The following TSPEAR variants were observed in gnomAD, a reference collection of about 807,000 sequenced individuals.
TSPEAR encodes thrombospondin-type laminin G domain and EAR repeat-containing protein.
TSPEAR carries 69 observed loss-of-function variants against 71.6 expected under a neutral mutation model. That is an observed-to-expected ratio of 0.96 (90% CI 0.79 to 1.18). The LOEUF (loss-of-function observed/expected upper bound fraction) is 1.18, where lower values mean the gene tolerates loss of function less well. TSPEAR is among the 50% of genes most tolerant of loss of function. The probability of loss-of-function intolerance (pLI) is 0.00; values close to 1 mark genes in which losing one functional copy is unlikely to be tolerated. For missense variants in TSPEAR, 971 were observed against 894.9 expected (o/e 1.09, Z -1.09); for synonymous variants, 402 against 387.2 (o/e 1.04, Z -0.45).
intron 1 of TSPEAR, among the ~76,000 whole-genome samples, chr21:44,599,435 G>A (rs997341829): frequency 2.0e-5 from 3 of 152,154 alleles, no homozygotes; most frequent in Admixed American, 2.0e-4. Flanking sequence ...AGGGCCCCTG[G>A]AGCCCTCTCC....
At position 44,528,496 on chromosome 21, in the gene TSPEAR, C is replaced by T. The variant is rs782375611; in HGVS notation, c.878G>A (p.Gly293Asp). 12 of 1,614,028 alleles carry T rather than the reference C, an allele frequency of 7.4e-6. No individual in the cohort carries two copies. The Admixed American group carries it at 2.0e-4, about 27-fold the overall frequency. Residue 293 changes from glycine (G) to aspartate (D), a missense_variant, in exon 6 of 12, where the codon GGC becomes GAC. By Grantham distance (94) the Gly-to-Asp change is moderately conservative (BLOSUM62 -1). Coordinates refer to ENST00000323084, the MANE Select transcript of TSPEAR (RefSeq NM_144991.3). Reference sequence around the variant, plus strand: ...CTCGTTGCCAACACACAGATACAGGCCCTTCCGGCTGGCATCAAACCAGAA... The same window carrying T: ...CTCGTTGCCAACACACAGATACAGGTCCTTCCGGCTGGCATCAAACCAGAA... ...AQFWFDASRK[G>D]LYLCVGNEWV... is the part of the protein sequence containing the mutation.
At chr21:44,579,712 C>T in intron 1 of TSPEAR, 18 of 1,577,958 alleles carry the variant, frequency 1.1e-5, no homozygotes, top group Non-Finnish European at 1.5e-5. Flanking sequence ...GACCAGTTGG[C>T]CCTGGGGGAT....
At chr21:44,521,576 G>A (rs2052735262) in intron 9 of TSPEAR, among the ~76,000 whole-genome samples, 1 of 152,230 alleles carries the variant, frequency 6.6e-6, no homozygotes, top group Non-Finnish European at 1.5e-5. Context: ...TGAGCCCGGG[G>A]GCTGCTTTAT....
rs1555914831 is a variant in TSPEAR at position 44,525,675 on chromosome 21, C to A, written c.1314G>T (p.Leu438=). Residue 438 remains leucine, a synonymous_variant, in exon 8 of 12, where the codon CTG becomes CTT. Coordinates refer to ENST00000323084, the MANE Select transcript of TSPEAR (RefSeq NM_144991.3). The part of the protein sequence containing the change: ...EAFEVDGEHF[L]AVANHREGDN... ...TACCTTCCCGGTGGTTGGCCACCGCCAGGAAGTGCTCCCCATCCACCTCGA... is the reference window on the plus strand; with the variant it reads ...TACCTTCCCGGTGGTTGGCCACCGCAAGGAAGTGCTCCCCATCCACCTCGA... The A allele has an allele frequency of 6.2e-7, 1 of 1,614,136 alleles. No homozygotes were observed. The highest frequency in any genetic ancestry group is 8.5e-7 in the Non-Finnish European group (1 of 1,180,022).
intron 3 of TSPEAR, among the ~76,000 whole-genome samples, chr21:44,531,607 C>T (rs1245700157): frequency 1.3e-5 from 2 of 152,204 alleles, no homozygotes; most frequent in African/African-American, 4.8e-5. Context: ...GGGCCAGGGC[C>T]TCCTGCAGAA....
chr21:44,527,187 G>A (rs1407566017), intron 7 of TSPEAR, 105 bp downstream of exon 7: 7 of 1,084,762 alleles, frequency 6.5e-6, no homozygotes, highest in East Asian at 2.4e-5. Flanking sequence ...AGGTGACACC[G>A]TGAGAAACTC....
chr21:44,661,234 C>A (rs368066237), intron 1 of TSPEAR, among the ~76,000 whole-genome samples: 1 of 141,536 alleles, frequency 7.1e-6, no homozygotes, highest in East Asian at 2.1e-4. Context: ...GAGCCGAGAT[C>A]GCGCCACTGC....
At chr21:44,644,397 G>A (rs78420710) in intron 1 of TSPEAR, among the ~76,000 whole-genome samples, 1,637 of 152,118 alleles carry the variant, frequency 0.011, 37 homozygotes, top group African/African-American at 0.036. Flanking sequence ...CCCAGAAAGC[G>A]GATTAAGCAC....
rs587675838 is a variant in TSPEAR at position 44,505,604 on chromosome 21, G to A, written c.1755-723C>T. 6.5e-3 allele frequency among the ~76,000 whole-genome samples: 263 copies of A among 40,378 alleles called. 1 individual carries two copies. The highest frequency in any genetic ancestry group is 0.021 in the Middle Eastern group (1 of 48). 26.5% of individuals were successfully genotyped at this position (40,378 alleles called of 152,430 possible). ...CCCCCCCAGCCCCGGCACCCACCAC[G>A]CCACTTTCTGTCTCTATGAATTTGA... On this transcript the variant is annotated intron_variant, in intron 10 of 11. Transcript: ENST00000323084.
intron 1 of TSPEAR, among the ~76,000 whole-genome samples, chr21:44,679,374 A>C (rs1986472499): frequency 6.6e-6 from 1 of 152,224 alleles, no homozygotes; most frequent in African/African-American, 2.4e-5. Context: ...AAAACTACAA[A>C]ACACTGATAA....
rs587659428 is a variant in TSPEAR at position 44,522,662 on chromosome 21, C to T, written c.1337-550G>A. 9.8e-5 allele frequency among the ~76,000 whole-genome samples: 15 copies of T among 152,322 alleles called. 1 individual carries two copies. Among genetic ancestry groups the T allele is most frequent in the East Asian group, 3.9e-4 (2 of 5,178 alleles). On this transcript the variant is annotated intron_variant, in intron 8 of 11. Transcript: ENST00000323084. ...CACAATGGCAGGTACTCATGGTGGCCGCTCAGGGCAGTGTCCTGGCCTGGA... is the reference window on the plus strand; with the variant it reads ...CACAATGGCAGGTACTCATGGTGGCTGCTCAGGGCAGTGTCCTGGCCTGGA...
At chr21:44,602,738 G>T (rs1227174199) in intron 1 of TSPEAR, among the ~76,000 whole-genome samples, 3 of 152,184 alleles carry the variant, frequency 2.0e-5, no homozygotes, top group Non-Finnish European at 4.4e-5. Context: ...CGCACACGCA[G>T]CGTCCCAGCT....
At chr21:44,645,195 G>T (rs1024180929) in intron 1 of TSPEAR, among the ~76,000 whole-genome samples, 1 of 152,122 alleles carries the variant, frequency 6.6e-6, no homozygotes, top group South Asian at 2.1e-4. Flanking sequence ...AAGGCAAAAT[G>T]AAAATTGAAA....
chr21:44,580,644 TGAAG>T lies in TSPEAR; in HGVS notation c.83-12643_83-12640del, dbSNP rs201781842. ...GTGAGTGAGTGAGTGTGTGAGTGAG[TGAAG>T]GAGGGAGTGAGTGAGTGAGGTGCTC... On this transcript the variant is annotated intron_variant, in intron 1 of 11. Transcript: ENST00000323084. The T allele has an allele frequency of 6.7e-3, 10,016 of 1,505,416 alleles. 372 individuals carry two copies. The African/African-American group carries it at 0.089, about 13-fold the overall frequency. 93.3% of individuals were successfully genotyped at this position (1,505,416 alleles called of 1,614,324 possible). A position where few individuals can be genotyped will look rare whatever the true frequency, so the allele number is the denominator to read the frequency against.
intron 1 of TSPEAR, chr21:44,681,977 T>A: frequency 6.2e-7 from 1 of 1,612,298 alleles, no homozygotes; most frequent in Non-Finnish European, 8.5e-7. Context: ...AGGACTGGCA[T>A]CTCACGGGCA....
intron 1 of TSPEAR, among the ~76,000 whole-genome samples, chr21:44,586,706 T>G (rs587737900): frequency 6.6e-4 from 100 of 152,204 alleles, no homozygotes; most frequent in African/African-American, 2.4e-3. Context: ...TTCATACAAA[T>G]AGAATCCCAC....
chr21:44,580,546 G>T, intron 1 of TSPEAR: 1 of 1,613,472 alleles, frequency 6.2e-7, no homozygotes, highest in Non-Finnish European at 8.5e-7. Context: ...CAGAGCAAGC[G>T]CTGGAGCAGA....
chr21:44,700,610 G>A (rs962281569), intron 1 of TSPEAR, among the ~76,000 whole-genome samples: 6 of 152,076 alleles, frequency 3.9e-5, no homozygotes, highest in Non-Finnish European at 5.9e-5. Flanking sequence ...CCTTGGGGCC[G>A]GGCAGTGGGA....
chr21:44,503,124 C>CA (rs2052079528), intron 11 of TSPEAR, among the ~76,000 whole-genome samples: 3 of 132,158 alleles, frequency 2.3e-5, no homozygotes, highest in Admixed American at 1.5e-4. Flanking sequence ...GGTGAGTCCT[C>CA]GGGGGGAAGC....
Sources: allele counts gnomAD v4.1 joint callset (sites outside exome capture counted in the v4.1 genomes callset), GRCh38; gene constraint gnomAD v4.1.1; transcripts MANE v1.5; gene names NCBI Gene and HGNC (gene_info 2026-07-23, HGNC 2026-07-21).